The following CLSTN2 variants were observed in gnomAD, a reference collection of about 807,000 sequenced individuals.
CLSTN2 encodes calsyntenin-2.
CLSTN2 carries 48 observed loss-of-function variants against 101.2 expected under a neutral mutation model. That is an observed-to-expected ratio of 0.47 (90% CI 0.38 to 0.60). CLSTN2 has a LOEUF of 0.60. CLSTN2 is among the 20% of genes least tolerant of loss of function. The pLI, the probability that CLSTN2 is intolerant of heterozygous loss-of-function variation, is 0.00. For missense variants in CLSTN2, 1,160 were observed against 1,238.2 expected (o/e 0.94, Z 0.95); for synonymous variants, 481 against 463.6 (o/e 1.04, Z -0.48).
intron 2 of CLSTN2, among the ~76,000 whole-genome samples, chr3:140,225,093 A>T (rs2086306951): frequency 6.6e-6 from 1 of 152,242 alleles, no homozygotes; most frequent in South Asian, 2.1e-4. Context: ...CATCAGTTCC[A>T]GCCATCTGGG....
intron 2 of CLSTN2, among the ~76,000 whole-genome samples, chr3:140,308,353 A>G (rs908513718): frequency 6.6e-6 from 1 of 152,192 alleles, no homozygotes; most frequent in African/African-American, 2.4e-5. Flanking sequence ...TCAGTTCAGA[A>G]GGTGGCATTC....
rs150641587 is a variant in CLSTN2, at chr3:140,566,075, G to A, written c.2690G>A (p.Gly897Glu). The A allele has an allele frequency of 3.7e-6, 6 of 1,613,928 alleles. No individual in the cohort carries two copies. The highest frequency in any genetic ancestry group is 5.1e-6 in the Non-Finnish European group (6 of 1,179,814). The change falls in exon 17 of 17, where the codon GGG (glycine) becomes GAG (glutamate). Residue 897 changes from glycine (G) to glutamate (E), a missense_variant. Physicochemically the swap from Gly to Glu is moderately conservative, Grantham distance 98 (BLOSUM62 -2). Coordinates refer to ENST00000458420, the MANE Select transcript of CLSTN2 (RefSeq NM_022131.3). ...CAGAAACATGAAGGACCAGGGCATG[G>A]GGAAGATGAGACTGAGGGAGAAGAG... ...PMEKHEGPGH[G>E]EDETEGEEEE...
intron 6 of CLSTN2, among the ~76,000 whole-genome samples, chr3:140,451,284 C>A (rs1933245063): frequency 6.6e-6 from 1 of 152,080 alleles, no homozygotes; most frequent in Non-Finnish European, 1.5e-5. Context: ...ATAAGGATTT[C>A]CTGAAGGAAG....
chr3:140,107,210 C>T (rs969286993), intron 1 of CLSTN2, among the ~76,000 whole-genome samples: 1 of 152,200 alleles, frequency 6.6e-6, no homozygotes, highest in African/African-American at 2.4e-5. Context: ...GCCTCCACAT[C>T]CTGTCCTGGC....
At chr3:139,970,995 G>T (rs573423702) in intron 1 of CLSTN2, among the ~76,000 whole-genome samples, 1 of 152,272 alleles carries the variant, frequency 6.6e-6, no homozygotes, top group East Asian at 1.9e-4. Flanking sequence ...TTTTAATGGT[G>T]ACTTTTTGCC....
chr3:140,309,802 C>G (rs1458925550), intron 2 of CLSTN2, among the ~76,000 whole-genome samples: 1 of 152,058 alleles, frequency 6.6e-6, no homozygotes, highest in Non-Finnish European at 1.5e-5. Flanking sequence ...ATGTCTGCAC[C>G]CTGGTTTAGC....
At chr3:140,345,692 G>C (rs1442735232) in intron 2 of CLSTN2, among the ~76,000 whole-genome samples, 6 of 149,204 alleles carry the variant, frequency 4.0e-5, no homozygotes, top group Non-Finnish European at 8.9e-5. Flanking sequence ...TAGCATGTGT[G>C]TGGCTGCCAC....
At chr3:140,301,108 C>T (rs575012629) in intron 2 of CLSTN2, among the ~76,000 whole-genome samples, 3 of 152,300 alleles carry the variant, frequency 2.0e-5, no homozygotes, top group South Asian at 4.1e-4. Context: ...TGCCCATCCA[C>T]ACTGAGGAGG....
At chr3:140,397,779 G>T (rs1376671678) in intron 2 of CLSTN2, among the ~76,000 whole-genome samples, 1 of 152,200 alleles carries the variant, frequency 6.6e-6, no homozygotes, top group Non-Finnish European at 1.5e-5. Context: ...TCAGTCCATT[G>T]CACGTTGTTA....
At chr3:140,002,433 T>C (rs891511846) in intron 1 of CLSTN2, among the ~76,000 whole-genome samples, 1 of 152,242 alleles carries the variant, frequency 6.6e-6, no homozygotes, top group Non-Finnish European at 1.5e-5. Context: ...TAGAGTTGTT[T>C]GAGTTCCTTA....
At chr3:140,222,560 A>G (rs1052900841) in intron 2 of CLSTN2, among the ~76,000 whole-genome samples, 5 of 152,336 alleles carry the variant, frequency 3.3e-5, no homozygotes, top group Middle Eastern at 6.8e-3. Context: ...TTGCATGCTT[A>G]TATCAAAACA....
intron 1 of CLSTN2, among the ~76,000 whole-genome samples, chr3:140,111,691 G>A (rs2009158442): frequency 6.6e-6 from 1 of 152,086 alleles, no homozygotes; most frequent in East Asian, 1.9e-4. Flanking sequence ...GCCTACAAGA[G>A]GAGTAAAAAT....
At chr3:140,133,788 A>G (rs1304106657) in intron 1 of CLSTN2, among the ~76,000 whole-genome samples, 1 of 152,204 alleles carries the variant, frequency 6.6e-6, no homozygotes, top group Non-Finnish European at 1.5e-5. Context: ...AATATTTTGT[A>G]AACCAACTTA....
At chr3:140,412,594 G>T (rs980207209) in intron 4 of CLSTN2, among the ~76,000 whole-genome samples, 1 of 152,178 alleles carries the variant, frequency 6.6e-6, no homozygotes, top group African/African-American at 2.4e-5. Context: ...GTGTGGGGAA[G>T]TCCAACTAAT....
At chr3:140,347,625 C>A (rs886974739) in intron 2 of CLSTN2, among the ~76,000 whole-genome samples, 1 of 152,208 alleles carries the variant, frequency 6.6e-6, no homozygotes, top group Non-Finnish European at 1.5e-5. Context: ...AGCAAATATA[C>A]TTTCACAATC....
intron 1 of CLSTN2, among the ~76,000 whole-genome samples, chr3:139,966,959 G>A (rs1935611426): frequency 6.6e-6 from 1 of 152,188 alleles, no homozygotes; most frequent in Non-Finnish European, 1.5e-5. Context: ...TCCTCACGGG[G>A]ACACTGGAGT....
intron 1 of CLSTN2, among the ~76,000 whole-genome samples, chr3:140,066,488 A>AT (rs2008302064): frequency 6.6e-6 from 1 of 152,222 alleles, no homozygotes; most frequent in African/African-American, 2.4e-5. Context: ...AGTCTGACTG[A>AT]TTTTTAGGAG....
chr3:140,077,727 T>C (rs2008516506), intron 1 of CLSTN2, among the ~76,000 whole-genome samples: 1 of 151,974 alleles, frequency 6.6e-6, no homozygotes, highest in African/African-American at 2.4e-5. Flanking sequence ...AGTTTGAAAA[T>C]ACTCAAACCT....
At chr3:140,108,239 A>G (rs1336593948) in intron 1 of CLSTN2, among the ~76,000 whole-genome samples, 3 of 152,238 alleles carry the variant, frequency 2.0e-5, no homozygotes, top group East Asian at 1.9e-4. Flanking sequence ...CATAACTTGC[A>G]TGGCTGAAAT....
Sources: gnomAD v4.1 joint callset for allele counts (sites outside exome capture counted in the v4.1 genomes callset) on GRCh38, gnomAD v4.1.1 for gene constraint, MANE v1.5 for transcripts, NCBI Gene and HGNC (gene_info 2026-07-23, HGNC 2026-07-21) for gene names.